Variants in DPP8 observed in about 807,000 individuals in gnomAD.
The protein encoded by DPP8 is dipeptidyl peptidase 8, also known as DPP VIII.
A neutral mutation model predicts 107.5 loss-of-function variants in DPP8; 31 were observed. The ratio of observed to expected loss-of-function variants is 0.29; its 90% CI spans 0.22 to 0.39. The LOEUF (loss-of-function observed/expected upper bound fraction) is 0.39. DPP8 is among the 10% of genes least tolerant of loss of function. DPP8 has a pLI of 1.00. For synonymous variants in DPP8, 381 were observed against 356.6 expected, an observed-to-expected ratio of 1.07 and a Z score of -0.77; for missense variants, 842 against 1,076.1, an observed-to-expected ratio of 0.78 and a Z score of 3.04.
At chr15:65,515,552 A>T (rs1209008890) in intron 1 of DPP8, 1 of 971,782 alleles carries the variant, frequency 1.0e-6, no homozygotes. Flanking sequence ...TGAATTTTCT[A>T]ATGTCAAAAA....
intron 3 of DPP8, among the ~76,000 whole-genome samples, chr15:65,502,317 A>G (rs2069337832): frequency 6.6e-6 from 1 of 152,098 alleles, no homozygotes; most frequent in Admixed American, 6.6e-5. Flanking sequence ...AAAAAAAAAA[A>G]ACTTCAGAGC....
At chr15:65,482,011 CAT>C (rs1203328732) in intron 8 of DPP8, among the ~76,000 whole-genome samples, 2 of 150,550 alleles carry the variant, frequency 1.3e-5, no homozygotes, top group African/African-American at 2.4e-5. Context: ...TTTATTTATA[CAT>C]ATATATGTGT....
chr15:65,516,368 G>C (rs1009749451), intron 1 of DPP8: 6 of 150,176 alleles, frequency 4.0e-5, no homozygotes, highest in African/African-American at 1.5e-4. Context: ...ATTACTCTGA[G>C]AATAATTTAA....
At chr15:65,493,372 G>A (rs1028347817) in intron 5 of DPP8, among the ~76,000 whole-genome samples, 5 of 152,124 alleles carry the variant, frequency 3.3e-5, no homozygotes, top group Admixed American at 6.6e-5. Flanking sequence ...GTGAGCCACC[G>A]TGCCCGGCCA....
chr15:65,467,094 A>C lies in DPP8; in HGVS notation c.1666T>G (p.Ser556Ala). The C allele has an allele frequency of 1.2e-6, 2 of 1,614,218 alleles. No homozygotes were observed. Among genetic ancestry groups the C allele is most frequent in the Non-Finnish European group, 8.5e-7 (1 of 1,180,036 alleles). ...ACCTGACTGATGCAGCAAGAATGTG[A>C]GTAGCCACGGTCAGTCAGCCTTGTC... ...EVTRLTDRGYSHSCCISQHCD... is the reference protein window; with the variant it reads ...EVTRLTDRGYAHSCCISQHCD... The change falls in exon 13 of 20, where the codon TCA becomes GCA. Residue 556 changes from serine (S) to alanine (A), a missense_variant. Physicochemically the swap from Ser to Ala is moderately conservative, Grantham distance 99 (BLOSUM62 1). Coordinates refer to ENST00000300141, the MANE Select transcript of DPP8 (RefSeq NM_130434.5).
At chr15:65,474,784 T>A (rs1433777512) in intron 11 of DPP8, among the ~76,000 whole-genome samples, 1 of 152,248 alleles carries the variant, frequency 6.6e-6, no homozygotes, top group African/African-American at 2.4e-5. Context: ...ATGGTTAACT[T>A]AACGTTTTAT....
chr15:65,513,366 C>A (rs1212170864), intron 1 of DPP8, among the ~76,000 whole-genome samples: 1 of 152,194 alleles, frequency 6.6e-6, no homozygotes, highest in African/African-American at 2.4e-5. Context: ...GCATGCACCA[C>A]AACGCCCGGC....
intron 8 of DPP8, among the ~76,000 whole-genome samples, chr15:65,483,012 G>C (rs563039049): frequency 6.6e-5 from 10 of 152,000 alleles, no homozygotes; most frequent in Non-Finnish European, 1.3e-4. Flanking sequence ...CAGGAGAATG[G>C]CGTGAACCCG....
Position 65,487,884 on chromosome 15 carries a change from T to C in DPP8, c.827-66A>G, listed in dbSNP as rs1262918200. 1.6e-5 allele frequency: 17 copies of C among 1,059,706 alleles called. No homozygotes were observed. The South Asian group carries it at 2.5e-4, about 15-fold the overall frequency. The allele number at this position is 1,059,706 out of a possible 1,614,324, so 65.6% of individuals were successfully genotyped here. Reference sequence around the variant, plus strand: ...TCCAGAGAGTAGTCATAACCAACCGTTCCTTCTAGTATCAGATTTCTTATA... The same window carrying C: ...TCCAGAGAGTAGTCATAACCAACCGCTCCTTCTAGTATCAGATTTCTTATA... On this transcript the variant is annotated intron_variant, in intron 6 of 19. Transcript: ENST00000300141.
intron 4 of DPP8, 90 bp downstream of exon 4, chr15:65,500,516 G>C: frequency 1.1e-6 from 1 of 950,828 alleles, no homozygotes; most frequent in East Asian, 2.5e-5. Context: ...AACTGAAGTT[G>C]CTGGTTTGTT....
At chr15:65,508,001 C>A (rs1465052136) in intron 2 of DPP8, among the ~76,000 whole-genome samples, 1 of 151,424 alleles carries the variant, frequency 6.6e-6, no homozygotes, top group East Asian at 1.9e-4. Flanking sequence ...ACTTTGGGAG[C>A]CCGAGGCAGG....
rs80038210 is a variant in DPP8, at chr15:65,478,180, C to T, written c.1456+700G>A. On this transcript the variant is annotated intron_variant, in intron 11 of 19. Coordinates refer to ENST00000300141, the MANE Select transcript of DPP8 (RefSeq NM_130434.5). The stretch of plus-strand genomic sequence containing the variant: ...AAAGACCTATAACTATAAATTAACT[C>T]CAGTGTAGATGCAGATAGTATAAGA... Among the ~76,000 whole-genome samples the T allele has an allele frequency of 5.2e-3, 790 of 152,164 alleles. 3 individuals are homozygous for T. Among genetic ancestry groups the T allele is most frequent in the Non-Finnish European group, 7.2e-3 (489 of 68,018 alleles).
Position 65,482,984 on chromosome 15 carries a change from C to T in DPP8, c.1018-1369G>A, listed in dbSNP as rs149201106. On this transcript the variant is annotated intron_variant, in intron 8 of 19. Transcript: ENST00000300141. ...TCTTGGCGGGCACCTGTAGTACCAG[C>T]CACTCTGGAGGCCGAGGCAGGAGAA... Among the ~76,000 whole-genome samples, 14 of 152,110 alleles carry T rather than the reference C, an allele frequency of 9.2e-5. No homozygotes were observed. The East Asian group carries it at 2.7e-3, about 29-fold the overall frequency.
Position 65,500,622 on chromosome 15 carries a change from C to T in DPP8, c.530G>A (p.Gly177Glu), listed in dbSNP as rs2069120435. The change falls in exon 4 of 20, where the codon GGG (glycine) becomes GAG (glutamate). Residue 177 changes from glycine to glutamate, a missense_variant. Physicochemically the swap from Gly to Glu is moderately conservative, Grantham distance 98. This residue lies in a region of DPP8 where 663 missense variants were observed against 758.0 expected (regional missense o/e 0.87). Transcript: ENST00000300141. ...GSGIYHVKDG[G>E]PQGFTQQPLR... Reference sequence around the variant, plus strand: ...CCAACTTACCGTAAATCCTTGTGGCCCTCCATCTTTTACGTGATAAATTCC... The same window carrying T: ...CCAACTTACCGTAAATCCTTGTGGCTCTCCATCTTTTACGTGATAAATTCC... The T allele has an allele frequency of 6.2e-7, 1 of 1,613,692 alleles. No homozygotes were observed. The highest frequency in any genetic ancestry group is 8.5e-7 in the Non-Finnish European group (1 of 1,179,860).
chr15:65,512,329 T>G lies in DPP8; in HGVS notation c.225A>C (p.Pro75=), dbSNP rs1464523193. Residue 75 remains proline (P), a synonymous_variant, in exon 2 of 20, where the codon CCA becomes CCC. Coordinates refer to ENST00000300141, the MANE Select transcript of DPP8 (RefSeq NM_130434.5). ...HDFMFVKRND[P]DGPHSDRIYY... is the part of the protein sequence containing the mutation. ...AGATTCTGTCTGAATGAGGTCCATC[T>G]GGATCATTCCTCTTCACAAACATGA... is the stretch of plus-strand genomic sequence containing the variant. 1 of 1,613,802 alleles carries G rather than the reference T, an allele frequency of 6.2e-7. No individual in the cohort carries two copies. The highest frequency in any genetic ancestry group is 8.5e-7 in the Non-Finnish European group (1 of 1,179,972).
At chr15:65,480,099 C>G in intron 10 of DPP8, 123 bp downstream of exon 10, 1 of 767,700 alleles carries the variant, frequency 1.3e-6, no homozygotes, top group Non-Finnish European at 2.0e-6. Context: ...AATGCTCATA[C>G]TAAAGAAATA....
chr15:65,477,893 C>T (rs1057166875), intron 11 of DPP8, among the ~76,000 whole-genome samples: 18 of 152,088 alleles, frequency 1.2e-4, no homozygotes, highest in African/African-American at 4.1e-4. Flanking sequence ...GGCAGTTAAG[C>T]ATACAACATA....
At chr15:65,485,632 G>T (rs2067346640) in intron 7 of DPP8, among the ~76,000 whole-genome samples, 1 of 149,582 alleles carries the variant, frequency 6.7e-6, no homozygotes, top group South Asian at 2.1e-4. Flanking sequence ...AATTTTGCCA[G>T]ATCAATTCTC....
chr15:65,507,035 G>A (rs982850674), intron 3 of DPP8, among the ~76,000 whole-genome samples: 1 of 152,058 alleles, frequency 6.6e-6, no homozygotes, highest in East Asian at 1.9e-4. Flanking sequence ...GTTAAACAGG[G>A]AGAAAGCAGT....
Sources: gnomAD v4.1 joint callset for allele counts (sites outside exome capture counted in the v4.1 genomes callset) on GRCh38, gnomAD v4.1.1 for gene constraint, gnomAD v4.1.1 regional missense constraint, MANE v1.5 for transcripts, NCBI Gene and HGNC (gene_info 2026-07-23, HGNC 2026-07-21) for gene names.